Variants in DLC1 observed in about 807,000 individuals in gnomAD.
DLC1 encodes the protein rho GTPase-activating protein 7.
A neutral mutation model predicts 140.3 loss-of-function variants in DLC1; 54 were observed. The ratio of observed to expected loss-of-function variants is 0.38; its 90% CI spans 0.31 to 0.48. The LOEUF (loss-of-function observed/expected upper bound fraction) is 0.48, where lower values mean the gene tolerates loss of function less well. Ranked by LOEUF, DLC1 falls within the 20% of genes least tolerant of loss-of-function variation. The probability of loss-of-function intolerance (pLI) is 0.96; values close to 1 mark genes in which losing one functional copy is unlikely to be tolerated. For missense variants in DLC1, 2,536 were observed against 1,907.0 expected (o/e 1.33, Z -6.14); for synonymous variants, 986 against 728.1 (o/e 1.35, Z -5.70).
intron 5 of DLC1, among the ~76,000 whole-genome samples, chr8:13,121,502 G>C (rs1417690089): frequency 6.6e-6 from 1 of 152,114 alleles, no homozygotes; most frequent in Non-Finnish European, 1.5e-5. Flanking sequence ...AGGAAATCTT[G>C]GTGACTCCCA....
At chr8:13,276,582 GGC>G (rs915000367) in intron 5 of DLC1, 48 of 1,265,288 alleles carry the variant, frequency 3.8e-5, no homozygotes, top group African/African-American at 1.1e-4. Context: ...AAGCGCGCGC[GGC>G]GGCCACATCT....
At chr8:13,578,455 C>G (rs1462703014) in intron 1 of DLC1, among the ~76,000 whole-genome samples, 1 of 152,132 alleles carries the variant, frequency 6.6e-6, no homozygotes, top group Non-Finnish European at 1.5e-5. Context: ...AGAATTCATT[C>G]AGTTCTGACA....
At chr8:13,128,380 C>G (rs1283444392) in intron 5 of DLC1, among the ~76,000 whole-genome samples, 1 of 152,190 alleles carries the variant, frequency 6.6e-6, no homozygotes, top group African/African-American at 2.4e-5. Flanking sequence ...CTAGACTCCC[C>G]CCATGGAGGG....
chr8:13,218,008 C>T (rs564710654), intron 5 of DLC1, among the ~76,000 whole-genome samples: 1 of 151,998 alleles, frequency 6.6e-6, no homozygotes, highest in African/African-American at 2.4e-5. Flanking sequence ...GAAGCCAGTC[C>T]CCTCCCTTGA....
intron 1 of DLC1, among the ~76,000 whole-genome samples, chr8:13,586,510 A>G (rs1055975028): frequency 3.3e-5 from 5 of 151,940 alleles, no homozygotes. Context: ...TTCTTTTGGT[A>G]GATAGGTTAG....
chr8:13,225,190 A>C (rs1248565326), intron 5 of DLC1, among the ~76,000 whole-genome samples: 1 of 152,232 alleles, frequency 6.6e-6, no homozygotes, highest in Non-Finnish European at 1.5e-5. Flanking sequence ...CTTTTAAAAA[A>C]ATTATACTTC....
intron 5 of DLC1, among the ~76,000 whole-genome samples, chr8:13,201,042 T>C (rs1827352818): frequency 6.6e-6 from 1 of 152,180 alleles, no homozygotes; most frequent in Admixed American, 6.5e-5. Flanking sequence ...TGGATAGTTA[T>C]TAGGAAACAA....
rs183294821 is a variant in DLC1 at position 13,361,466 on chromosome 8, A to G, written c.1314+32087T>C. 3.3e-3 allele frequency among the ~76,000 whole-genome samples: 506 copies of G among 151,714 alleles called. 3 individuals carry two copies. Among genetic ancestry groups the G allele is most frequent in the African/African-American group, 0.012 (483 of 41,342 alleles). The stretch of plus-strand genomic sequence containing the variant: ...TTTATCTTTTGAGACAAGTTCCTCT[A>G]TGTTACTCAGGCTGGTCTTGCATTG... On this transcript the variant is annotated intron_variant, in intron 4 of 17. Transcript: ENST00000276297.
At position 13,325,329 on chromosome 8, in the gene DLC1, A is replaced by T. The variant is rs554967312; in HGVS notation, c.1315-20027T>A. Among the ~76,000 whole-genome samples the T allele has an allele frequency of 4.9e-4, 74 of 152,308 alleles. 1 individual carries two copies. The South Asian group carries it at 0.015, about 31-fold the overall frequency. ...CTGTTCGATTATTTCACGGACGGCA[A>T]AAAGGGATAATGTGATACGTACAAG... On this transcript the variant is annotated intron_variant, in intron 4 of 17. Transcript: ENST00000276297.
chr8:13,320,693 C>T (rs1833066004), intron 4 of DLC1, among the ~76,000 whole-genome samples: 1 of 151,920 alleles, frequency 6.6e-6, no homozygotes, highest in South Asian at 2.1e-4. Context: ...AGGTCTGGTT[C>T]TATTAGTTCC....
In DLC1 at chr8:13,457,419, C is replaced by G. The variant is rs922003963; in HGVS notation, c.1023+41630G>C. The stretch of plus-strand genomic sequence containing the variant: ...TGTTGCTGGGCACGGTGGCTCATGC[C>G]TGTAATCCCAGCACTTTGAGAGGCC... On this transcript the variant is annotated intron_variant, in intron 2 of 17. Transcript: ENST00000276297. 7.2e-5 allele frequency among the ~76,000 whole-genome samples: 11 copies of G among 152,106 alleles called. 1 individual carries two copies. The Middle Eastern group carries it at 0.014, about 188-fold the overall frequency.
intron 2 of DLC1, among the ~76,000 whole-genome samples, chr8:13,443,025 T>TA (rs1386153182): frequency 1.3e-5 from 2 of 151,880 alleles, no homozygotes; most frequent in South Asian, 4.2e-4. Context: ...TATGCAGCCA[T>TA]AAAAAAGGAT....
Position 13,579,240 on chromosome 8 carries a change from G to A in DLC1, c.-126+25297C>T, listed in dbSNP as rs1187422749. ...TGTAAGGAGCTCTAATTGAGGAACA[G>A]GGAGCATATATATATATATATATAT... On this transcript the variant is annotated intron_variant, in intron 1 of 1. Transcript: ENST00000631382. Among the ~76,000 whole-genome samples the A allele has an allele frequency of 2.2e-4, 3 of 13,508 alleles. 1 individual carries two copies. Among genetic ancestry groups the A allele is most frequent in the African/African-American group, 3.2e-4 (2 of 6,194 alleles). The allele number at this position is 13,508 out of a possible 152,430, so 8.9% of individuals were successfully genotyped here.
intron 5 of DLC1, among the ~76,000 whole-genome samples, chr8:13,124,012 AACT>A (rs1324838597): frequency 6.6e-6 from 1 of 152,216 alleles, no homozygotes; most frequent in Admixed American, 6.5e-5. Context: ...CTGTATATGT[AACT>A]ATTATAAAAG....
intron 5 of DLC1, among the ~76,000 whole-genome samples, chr8:13,139,438 C>T (rs1258555303): frequency 6.6e-6 from 1 of 151,502 alleles, no homozygotes; most frequent in African/African-American, 2.4e-5. Flanking sequence ...TTTCATCATT[C>T]AACAAATATT....
At chr8:13,138,452 T>C (rs758770949) in intron 5 of DLC1, among the ~76,000 whole-genome samples, 1 of 152,240 alleles carries the variant, frequency 6.6e-6, no homozygotes, top group East Asian at 1.9e-4. Flanking sequence ...ACCTCTGCTC[T>C]AGTGATATGA....
chr8:13,128,974 T>G (rs1821848128), intron 5 of DLC1, among the ~76,000 whole-genome samples: 1 of 95,236 alleles, frequency 1.1e-5, no homozygotes, highest in Non-Finnish European at 2.3e-5. Flanking sequence ...TAGACCTAAT[T>G]AGAGGATCCC....
intron 5 of DLC1, among the ~76,000 whole-genome samples, chr8:13,238,362 A>G (rs902689769): frequency 2.0e-5 from 3 of 152,086 alleles, no homozygotes; most frequent in Non-Finnish European, 4.4e-5. Context: ...TAAACACAAA[A>G]AATAGCTGGG....
At chr8:13,088,429 G>C (rs1817748221) in intron 16 of DLC1, 58 bp downstream of exon 16, 1 of 1,557,580 alleles carries the variant, frequency 6.4e-7, no homozygotes, top group African/African-American at 1.4e-5. Context: ...GTGACATATA[G>C]GCTTGGTTCA....
Sources: gnomAD v4.1 joint callset for allele counts (sites outside exome capture counted in the v4.1 genomes callset) on GRCh38, gnomAD v4.1.1 for gene constraint, MANE v1.5 for transcripts, NCBI Gene and HGNC (gene_info 2026-07-23, HGNC 2026-07-21) for gene names.